IQCH: variants seen among roughly 807,000 people sequenced by gnomAD.
The protein encoded by IQCH is IQ domain-containing protein H.
A neutral mutation model predicts 117.0 loss-of-function variants in IQCH; 98 were observed. The ratio of observed to expected loss-of-function variants is 0.84; its 90% CI spans 0.71 to 0.99. The LOEUF (loss-of-function observed/expected upper bound fraction) is 0.99. Among genes scored for constraint, IQCH ranks in the 50% least tolerant of loss-of-function variants. The probability of loss-of-function intolerance (pLI) is 0.00; values close to 1 mark genes in which losing one functional copy is unlikely to be tolerated. For missense variants in IQCH, 1,102 were observed against 1,243.8 expected, an observed-to-expected ratio of 0.89 and a Z score of 1.72; for synonymous variants, 412 against 448.2, an observed-to-expected ratio of 0.92 and a Z score of 1.02.
At chr15:67,337,520 G>C (rs1437905889) in intron 5 of IQCH, among the ~76,000 whole-genome samples, 1 of 152,142 alleles carries the variant, frequency 6.6e-6, no homozygotes, top group Non-Finnish European at 1.5e-5. Context: ...AACTATGCAT[G>C]TTTTAGTCTA....
At chr15:67,400,067 C>T in intron 13 of IQCH, 47 bp from the exon 14 acceptor site, 2 of 1,496,822 alleles carry the variant, frequency 1.3e-6, no homozygotes, top group Non-Finnish European at 1.8e-6. Context: ...AAAAGGAATC[C>T]CAGGAAATGA....
In IQCH at chr15:67,385,663, CT is replaced by C. The variant is rs1215758638; in HGVS notation, c.1456+647del. Among the ~76,000 whole-genome samples, 1 of 152,100 alleles carries C rather than the reference CT, an allele frequency of 6.6e-6. No homozygotes were observed. Among genetic ancestry groups the C allele is most frequent in the Admixed American group, 6.6e-5 (1 of 15,258 alleles). On this transcript the variant is annotated intron_variant, in intron 11 of 20. Transcript: ENST00000335894. The surrounding 1 kb of genome is among the most constrained non-coding windows in gnomAD (Gnocchi z 4.6). Reference sequence around the variant, plus strand: ...AGAGAAGGATGCCTGAATGTGATAGCTTTGGTTGACACTGTTCAAGGCCCGG... The same window carrying C: ...AGAGAAGGATGCCTGAATGTGATAGCTTGGTTGACACTGTTCAAGGCCCGG...
At chr15:67,444,971 C>G (rs2082360026) in intron 16 of IQCH, among the ~76,000 whole-genome samples, 1 of 152,190 alleles carries the variant, frequency 6.6e-6, no homozygotes, top group African/African-American at 2.4e-5. Context: ...ACAAAATCTT[C>G]TAGTTCCACT....
intron 20 of IQCH, among the ~76,000 whole-genome samples, chr15:67,498,615 C>CA (rs1555519686): frequency 1.0e-3 from 32 of 31,444 alleles, no homozygotes; most frequent in African/African-American, 2.2e-3. Flanking sequence ...GATTCCGTCT[C>CA]AAAAAAAAAA....
intron 3 of IQCH, among the ~76,000 whole-genome samples, chr15:67,275,414 C>A (rs890768325): frequency 6.6e-6 from 1 of 151,952 alleles, no homozygotes; most frequent in Non-Finnish European, 1.5e-5. Flanking sequence ...GTCTCATCCT[C>A]ATCTTTGGGT....
intron 4 of IQCH, among the ~76,000 whole-genome samples, chr15:67,293,343 C>G (rs1475290920): frequency 6.6e-6 from 1 of 152,112 alleles, no homozygotes; most frequent in South Asian, 2.1e-4. Flanking sequence ...TTGTCCCTCA[C>G]TATTCGTGGG....
chr15:67,315,292 G>A (rs969343164), intron 4 of IQCH, among the ~76,000 whole-genome samples: 2 of 152,184 alleles, frequency 1.3e-5, no homozygotes, highest in African/African-American at 4.8e-5. Flanking sequence ...TAATTAGTTG[G>A]ACAGTCTTCT....
At chr15:67,497,025 A>AAC (rs1491254723) in intron 20 of IQCH, among the ~76,000 whole-genome samples, 1 of 132,294 alleles carries the variant, frequency 7.6e-6, no homozygotes, top group East Asian at 2.1e-4. Flanking sequence ...ACTCCGTCTC[A>AAC]AAAAAAAAAA....
At chr15:67,461,596 G>A (rs1567208319) in intron 16 of IQCH, among the ~76,000 whole-genome samples, 1 of 152,268 alleles carries the variant, frequency 6.6e-6, no homozygotes, top group Non-Finnish European at 1.5e-5. Context: ...GCCTGCTGTT[G>A]AGGAAAAGGC....
Position 67,427,500 on chromosome 15 carries a change from A to G in IQCH, c.2505+5923A>G, listed in dbSNP as rs4238408. 0.14 allele frequency among the ~76,000 whole-genome samples: 21,148 copies of G among 151,452 alleles called. 1,528 individuals are homozygous for G. Among genetic ancestry groups the G allele is most frequent in the East Asian group, 0.21 (1,065 of 5,100 alleles). On this transcript the variant is annotated intron_variant, in intron 16 of 20. Transcript: ENST00000335894. The surrounding 1 kb of genome is among the most constrained non-coding windows in gnomAD (Gnocchi z 4.7). ...CAAAGTGCTTGGATTACAGGTGTGA[A>G]CCACTGTGCCTGGCCTCCAGCTCTT...
chr15:67,294,465 C>T (rs1966841725), intron 4 of IQCH, among the ~76,000 whole-genome samples: 1 of 152,120 alleles, frequency 6.6e-6, no homozygotes, highest in African/African-American at 2.4e-5. Context: ...CAGTTAGTAC[C>T]AAGCAGCAGT....
Position 67,279,475 on chromosome 15 carries a change from A to T in IQCH, c.350A>T (p.Gln117Leu). The part of the protein sequence containing the change: ...SEGTFWQPQR[Q>L]HSSSLPVFPR... ...GGTACATTTTGGCAACCCCAAAGAC[A>T]GCACAGTTCATCTCTGCCTGTCTTT... Residue 117 changes from glutamine (Q) to leucine (L), a missense_variant, in exon 4 of 21, where the codon CAG (glutamine) becomes CTG (leucine). Physicochemically the swap from Gln to Leu is moderately radical, Grantham distance 113. Around this residue, in one of 2 missense-constraint regions of IQCH, gnomAD observed 452 missense variants for 449.6 expected, o/e 1.01. Transcript: ENST00000335894. 3.1e-6 allele frequency: 5 copies of T among 1,607,830 alleles called. No homozygotes were observed. In the South Asian group the frequency reaches 5.5e-5, roughly 18 times the overall value.
intron 6 of IQCH, among the ~76,000 whole-genome samples, chr15:67,352,480 A>G (rs1969706503): frequency 6.6e-6 from 1 of 151,772 alleles, no homozygotes; most frequent in Non-Finnish European, 1.5e-5. Context: ...AATTTCCACT[A>G]GTACAAGCCT....
rs1971046815 is a variant in IQCH, at chr15:67,384,603, A to G, written c.1373-333A>G. Among the ~76,000 whole-genome samples the G allele has an allele frequency of 6.6e-6, 1 of 151,988 alleles. No individual in the cohort carries two copies. Among genetic ancestry groups the G allele is most frequent in the South Asian group, 2.1e-4 (1 of 4,822 alleles). On this transcript the variant is annotated intron_variant, in intron 10 of 20. Coordinates refer to ENST00000335894, the MANE Select transcript of IQCH (RefSeq NM_001031715.3). The surrounding 1 kb of genome is among the most constrained non-coding windows in gnomAD (Gnocchi z 4.3). ...CCAAAACGATATTTTTTTTAACCTGAGCATAATTTTCTTACACATCCTTGT... is the reference window on the plus strand; with the variant it reads ...CCAAAACGATATTTTTTTTAACCTGGGCATAATTTTCTTACACATCCTTGT...
At chr15:67,307,135 T>C in intron 4 of IQCH, 2 of 1,098,668 alleles carry the variant, frequency 1.8e-6, no homozygotes, top group Non-Finnish European at 2.2e-6. Context: ...TAAAAACATT[T>C]TTCTTTTTGG....
At position 67,496,879 on chromosome 15, in the gene IQCH, A is replaced by T. The variant is rs975723244; in HGVS notation, c.2970+2513A>T. Among the ~76,000 whole-genome samples the T allele has an allele frequency of 6.6e-6, 1 of 150,828 alleles. No homozygotes were observed. The highest frequency in any genetic ancestry group is 1.5e-5 in the Non-Finnish European group (1 of 67,674). On this transcript the variant is annotated intron_variant, in intron 20 of 20. Transcript: ENST00000335894. This position sits in a 1 kb window ranked among gnomAD's most constrained non-coding sequence, Gnocchi z 4.4. The stretch of plus-strand genomic sequence containing the variant: ...TAAAAATACAAAAAATTAGCCGGGC[A>T]CGGTGGCGGGCGCCTGTAGTCCCAG...
At chr15:67,354,498 G>T (rs1969803204) in intron 6 of IQCH, among the ~76,000 whole-genome samples, 1 of 152,162 alleles carries the variant, frequency 6.6e-6, no homozygotes, top group Non-Finnish European at 1.5e-5. Flanking sequence ...AATACTCTTA[G>T]TAGGGGAAAT....
intron 5 of IQCH, among the ~76,000 whole-genome samples, chr15:67,343,208 T>A (rs1453058024): frequency 2.0e-5 from 3 of 152,140 alleles, no homozygotes; most frequent in Non-Finnish European, 4.4e-5. Flanking sequence ...GAATACACAG[T>A]TTGTATTCTA....
chr15:67,421,072 C>A, intron 15 of IQCH: 1 of 567,508 alleles, frequency 1.8e-6, no homozygotes, highest in Non-Finnish European at 3.1e-6. Context: ...ATATACCAAG[C>A]GCTGGGCTGA....
Sources: gnomAD v4.1 joint callset for allele counts (sites outside exome capture counted in the v4.1 genomes callset) on GRCh38, gnomAD v4.1.1 for gene constraint, gnomAD v4.1.1 regional missense constraint, Gnocchi (gnomAD v3.1) non-coding constraint, MANE v1.5 for transcripts, NCBI Gene and HGNC (gene_info 2026-07-23, HGNC 2026-07-21) for gene names.